Variants in RMDN2 observed in about 807,000 individuals in gnomAD.
The protein encoded by RMDN2 is regulator of microtubule dynamics protein 2.
RMDN2 carries 61 observed loss-of-function variants against 52.8 expected under a neutral mutation model. The ratio of observed to expected loss-of-function variants is 1.16; its 90% confidence interval spans 0.94 to 1.43. The LOEUF is 1.43. RMDN2 is among the 40% of genes most tolerant of loss of function. RMDN2 has a pLI of 0.00. For synonymous variants in RMDN2, 180 were observed against 153.1 expected (o/e 1.18, Z -1.30); for missense variants, 592 against 475.3 (o/e 1.25, Z -2.28).
At chr2:37,956,823 A>G (rs939957903) in intron 2 of RMDN2, among the ~76,000 whole-genome samples, 2 of 151,486 alleles carry the variant, frequency 1.3e-5, no homozygotes, top group Admixed American at 1.3e-4. Context: ...CACCCCCAAC[A>G]GCCCACAGTG....
At chr2:37,952,396 T>A (rs893870785) in intron 2 of RMDN2, 6 of 556,584 alleles carry the variant, frequency 1.1e-5, no homozygotes, top group Admixed American at 9.9e-5. Context: ...ACTGATGTTA[T>A]TGGAGTATGG....
chr2:38,057,742 G>A lies in RMDN2; in HGVS notation c.1714-9240G>A, dbSNP rs544026204. On this transcript the variant is annotated intron_variant, in intron 10 of 10. Coordinates refer to the RMDN2 transcript ENST00000234195. Reference sequence around the variant, plus strand: ...ACCATCCCCCTTGGTACTGTATAGTGAGTGGATTCTCATGAGATCTGGTTG... The same window carrying A: ...ACCATCCCCCTTGGTACTGTATAGTAAGTGGATTCTCATGAGATCTGGTTG... Among the ~76,000 whole-genome samples the A allele has an allele frequency of 4.6e-5, 7 of 152,268 alleles. No individual in the cohort carries two copies. In the East Asian group the frequency reaches 1.3e-3, roughly 29 times the overall value.
Position 38,054,608 on chromosome 2 carries a change from A to G in RMDN2, c.1714-12374A>G, listed in dbSNP as rs189207235. Among the ~76,000 whole-genome samples the G allele has an allele frequency of 2.6e-5, 4 of 152,330 alleles. No homozygotes were observed. In the East Asian group the frequency reaches 5.8e-4, roughly 22 times the overall value. On this transcript the variant is annotated intron_variant, in intron 10 of 10. Transcript: ENST00000234195. ...AATGAATGCATTTTCCTCCATGTTT[A>G]TTGTCCCCTCCCGTGTGCTTTGTTG...
At chr2:38,026,282 A>G (rs542055396) in intron 10 of RMDN2, among the ~76,000 whole-genome samples, 22 of 152,198 alleles carry the variant, frequency 1.4e-4, no homozygotes, top group African/African-American at 5.3e-4. Context: ...TTTATTATCT[A>G]TAAAATCTGT....
At chr2:38,047,970 C>G (rs1008955781) in intron 10 of RMDN2, among the ~76,000 whole-genome samples, 1 of 152,188 alleles carries the variant, frequency 6.6e-6, no homozygotes, top group Non-Finnish European at 1.5e-5. Flanking sequence ...ATACTCTGAT[C>G]ACTCTGACTT....
rs1259298199 is a variant in RMDN2 at position 37,991,734 on chromosome 2, T to C, written c.945+437T>C. On this transcript the variant is annotated intron_variant, in intron 7 of 10. Coordinates refer to ENST00000354545, the MANE Select transcript of RMDN2 (RefSeq NM_001170791.3). ...GAGAGGACTTTTTTTCATCCAGTAGTGTATACTGAGCACAAATTATGTGCT... is the reference window on the plus strand; with the variant it reads ...GAGAGGACTTTTTTTCATCCAGTAGCGTATACTGAGCACAAATTATGTGCT... 5.3e-5 allele frequency among the ~76,000 whole-genome samples: 8 copies of C among 152,262 alleles called. No individual in the cohort carries two copies. The East Asian group carries it at 1.5e-3, about 29-fold the overall frequency.
chr2:37,967,969 G>T (rs1671286344), intron 2 of RMDN2, among the ~76,000 whole-genome samples: 1 of 152,160 alleles, frequency 6.6e-6, no homozygotes, highest in Non-Finnish European at 1.5e-5. Context: ...ATTATGTGCT[G>T]AGAAATAAAG....
At chr2:38,009,100 A>G (rs1232702548) in intron 10 of RMDN2, among the ~76,000 whole-genome samples, 14 of 152,142 alleles carry the variant, frequency 9.2e-5, no homozygotes, top group African/African-American at 3.1e-4. Context: ...GCTTCCCTTT[A>G]TGGGTAACCC....
Position 37,960,228 on chromosome 2 carries a change from C to T in RMDN2, c.453-13812C>T, listed in dbSNP as rs150497467. 1.1e-3 allele frequency among the ~76,000 whole-genome samples: 160 copies of T among 152,138 alleles called. 2 individuals are homozygous for T. In the East Asian group the frequency reaches 0.026, roughly 25 times the overall value. ...TTTTCTGTCTCGTTGATCTGTCTAACATTGACAATGGGGTTTTAAAGTCTC... is the reference window on the plus strand; with the variant it reads ...TTTTCTGTCTCGTTGATCTGTCTAATATTGACAATGGGGTTTTAAAGTCTC... On this transcript the variant is annotated intron_variant, in intron 2 of 10. Transcript: ENST00000354545.
At chr2:38,060,074 T>TTTTATTTTATTTTAA (rs1198771183) in intron 10 of RMDN2, among the ~76,000 whole-genome samples, 21 of 82,730 alleles carry the variant, frequency 2.5e-4, no homozygotes, top group African/African-American at 1.0e-3. Context: ...TTTTATTTTA[T>TTTTATTTTATTTTAA]TTTATTTTAT....
chr2:37,986,982 C>T (rs1347026001), intron 5 of RMDN2, among the ~76,000 whole-genome samples: 1 of 151,554 alleles, frequency 6.6e-6, no homozygotes, highest in Non-Finnish European at 1.5e-5. Flanking sequence ...TAGCTAATGC[C>T]ATATAACAAG....
At chr2:37,995,024 C>CT (rs1360042987) in intron 7 of RMDN2, among the ~76,000 whole-genome samples, 1 of 152,060 alleles carries the variant, frequency 6.6e-6, no homozygotes, top group African/African-American at 2.4e-5. Context: ...TATGAGAGAA[C>CT]TTTTTAGGAT....
chr2:38,019,705 G>T (rs1230467716), downstream of RMDN2, among the ~76,000 whole-genome samples: 1 of 152,078 alleles, frequency 6.6e-6, no homozygotes, highest in Non-Finnish European at 1.5e-5. Flanking sequence ...AGGCTGAGGC[G>T]GGAGGATTCA....
intron 10 of RMDN2, among the ~76,000 whole-genome samples, chr2:38,043,017 C>T (rs867964426): frequency 1.6e-4 from 25 of 152,208 alleles, no homozygotes; most frequent in African/African-American, 5.8e-4. Flanking sequence ...AAGATGATTG[C>T]CAGTGCTGTT....
chr2:37,968,334 G>GT (rs1446772849), intron 2 of RMDN2, among the ~76,000 whole-genome samples: 1 of 150,942 alleles, frequency 6.6e-6, no homozygotes, highest in Non-Finnish European at 1.5e-5. Flanking sequence ...TCCCAGCTTG[G>GT]GGGGCTGAGG....
intron 10 of RMDN2, among the ~76,000 whole-genome samples, chr2:38,005,005 A>G (rs1482069192): frequency 6.6e-6 from 1 of 152,076 alleles, no homozygotes; most frequent in Non-Finnish European, 1.5e-5. Flanking sequence ...AGCTTCATCC[A>G]TGTCCCTACA....
Position 38,065,064 on chromosome 2 carries a change from T to G in RMDN2, c.1714-1918T>G, listed in dbSNP as rs1399215149. The stretch of plus-strand genomic sequence containing the variant: ...CCAAGCTGTTCCTCGCTGCATCATT[T>G]AGGGGCTCACAAAGTTGGAAGTTAT... On this transcript the variant is annotated intron_variant, in intron 10 of 10. Coordinates refer to the RMDN2 transcript ENST00000234195. 4.6e-5 allele frequency among the ~76,000 whole-genome samples: 7 copies of G among 152,176 alleles called. No individual in the cohort carries two copies. In the East Asian group the frequency reaches 1.3e-3, roughly 29 times the overall value.
downstream of RMDN2, chr2:38,017,855 A>C (rs1214680387): frequency 5.0e-6 from 1 of 199,098 alleles, no homozygotes; most frequent in Non-Finnish European, 1.0e-5. Flanking sequence ...GAGTCAGCAA[A>C]GGAAGGTAAG....
intron 10 of RMDN2, among the ~76,000 whole-genome samples, chr2:38,010,803 C>T (rs1477874625): frequency 6.6e-6 from 1 of 152,214 alleles, no homozygotes; most frequent in East Asian, 1.9e-4. Flanking sequence ...CTGCATCACT[C>T]ACGCTCGGAG....
Sources: gnomAD v4.1 joint callset for allele counts (sites outside exome capture counted in the v4.1 genomes callset) on GRCh38, gnomAD v4.1.1 for gene constraint, MANE v1.5 for transcripts, NCBI Gene and HGNC (gene_info 2026-07-23, HGNC 2026-07-21) for gene names.